Variants in ZFAT observed in about 807,000 individuals in gnomAD.
The protein encoded by ZFAT is zinc finger protein ZFAT.
A neutral mutation model predicts 117.7 loss-of-function variants in ZFAT; 64 were observed. The ratio of observed to expected loss-of-function variants is 0.54; its 90% CI spans 0.44 to 0.67. The LOEUF (loss-of-function observed/expected upper bound fraction) is 0.67. ZFAT is among the 30% of genes least tolerant of loss of function. ZFAT has a pLI of 0.00. For synonymous variants in ZFAT, 679 were observed against 615.0 expected, an observed-to-expected ratio of 1.10 and a Z score of -1.54; for missense variants, 1,433 against 1,584.5, an observed-to-expected ratio of 0.90 and a Z score of 1.62.
chr8:134,526,870 A>G (rs992632466), intron 12 of ZFAT, among the ~76,000 whole-genome samples: 2 of 151,886 alleles, frequency 1.3e-5, no homozygotes, highest in Admixed American at 1.3e-4. Flanking sequence ...GAGATGAGCC[A>G]CTGCAATAAA....
the ZFAT span, among the ~76,000 whole-genome samples, chr8:134,812,144 C>CAATAA: frequency 3.3e-5 from 5 of 151,776 alleles, no homozygotes; most frequent in South Asian, 4.2e-4. Flanking sequence ...GACTCTGTAT[C>CAATAA]AATAAAATAA....
intron 11 of ZFAT, among the ~76,000 whole-genome samples, chr8:134,535,496 C>CCCCTCCCCCTCCCTCT (rs1821766307): frequency 7.6e-6 from 1 of 131,478 alleles, no homozygotes; most frequent in African/African-American, 2.8e-5. Context: ...CCTCCCCCTC[C>CCCCTCCCCCTCCCTCT]CCCTCCCTCT....
At chr8:134,630,262 A>C (rs570294897) in intron 3 of ZFAT, among the ~76,000 whole-genome samples, 1 of 152,338 alleles carries the variant, frequency 6.6e-6, no homozygotes, top group South Asian at 2.1e-4. Flanking sequence ...AGTACAGAGG[A>C]AAAAATGAGG....
chr8:134,617,803 A>G (rs1828850507), intron 3 of ZFAT, among the ~76,000 whole-genome samples: 1 of 152,170 alleles, frequency 6.6e-6, no homozygotes, highest in Non-Finnish European at 1.5e-5. Context: ...TTGATTCACT[A>G]AATTGCAGAT....
the ZFAT span, among the ~76,000 whole-genome samples, chr8:134,823,866 G>A: frequency 1.3e-5 from 2 of 152,178 alleles, no homozygotes; most frequent in African/African-American, 4.8e-5. Flanking sequence ...CATGATAAGT[G>A]CAAATGGGTG....
chr8:134,653,623 T>C (rs181102162), intron 2 of ZFAT, among the ~76,000 whole-genome samples: 135 of 152,024 alleles, frequency 8.9e-4, no homozygotes, highest in Admixed American at 1.8e-3. Flanking sequence ...CTACATGGGG[T>C]GATAGATAAA....
chr8:134,512,372 G>A lies in ZFAT; in HGVS notation c.3361+103C>T, dbSNP rs948476916. The A allele has an allele frequency of 1.1e-5, 17 of 1,500,504 alleles. No individual in the cohort carries two copies. The African/African-American group carries it at 2.1e-4, about 18-fold the overall frequency. The allele number at this position is 1,500,504 out of a possible 1,614,324, so 92.9% of individuals were successfully genotyped here. On this transcript the variant is annotated intron_variant, in intron 14 of 15. Transcript: ENST00000377838. ...GTCTGAACGCTGGGTCAGGGATTCGGAAGTAGATCACCTGATGGACATCAT... is the reference window on the plus strand; with the variant it reads ...GTCTGAACGCTGGGTCAGGGATTCGAAAGTAGATCACCTGATGGACATCAT...
At chr8:134,585,279 C>A (rs1243918902) in intron 9 of ZFAT, among the ~76,000 whole-genome samples, 2 of 152,138 alleles carry the variant, frequency 1.3e-5, no homozygotes, top group African/African-American at 4.8e-5. Flanking sequence ...GGCATTTCAA[C>A]CCCGAGTCAA....
At chr8:134,511,149 G>A (rs1038614468) in intron 14 of ZFAT, 1 of 152,298 alleles carries the variant, frequency 6.6e-6, no homozygotes, top group Non-Finnish European at 1.5e-5. Flanking sequence ...CAGAGAAGCT[G>A]AGCCTGGCCT....
At chr8:134,661,519 T>C (rs550422968) in intron 1 of ZFAT, among the ~76,000 whole-genome samples, 26 of 152,240 alleles carry the variant, frequency 1.7e-4, no homozygotes, top group African/African-American at 4.6e-4. Flanking sequence ...TGTGAGGTCA[T>C]TGGAAACAGC....
chr8:134,779,846 C>T, the ZFAT span, among the ~76,000 whole-genome samples: 6 of 152,098 alleles, frequency 3.9e-5, no homozygotes, highest in Non-Finnish European at 8.8e-5. Context: ...TTATATTGAT[C>T]GTTTTATACC....
At chr8:134,672,576 A>G (rs1832612923) in intron 1 of ZFAT, among the ~76,000 whole-genome samples, 1 of 152,228 alleles carries the variant, frequency 6.6e-6, no homozygotes, top group Non-Finnish European at 1.5e-5. Context: ...AAAGAAATCC[A>G]TGCCAAGACA....
chr8:134,635,648 GGA>G (rs111233731), intron 3 of ZFAT, among the ~76,000 whole-genome samples: 1 of 149,584 alleles, frequency 6.7e-6, no homozygotes, highest in Non-Finnish European at 1.5e-5. Flanking sequence ...AGGGAGAGAG[GGA>G]GAGAGAGAGA....
At chr8:134,655,758 T>C (rs1478806000) in intron 2 of ZFAT, among the ~76,000 whole-genome samples, 1 of 152,242 alleles carries the variant, frequency 6.6e-6, no homozygotes, top group East Asian at 1.9e-4. Flanking sequence ...AGAGCCAGTC[T>C]AGAAGTTCTT....
chr8:134,668,950 C>A (rs1316489287), intron 1 of ZFAT, among the ~76,000 whole-genome samples: 1 of 152,026 alleles, frequency 6.6e-6, no homozygotes, highest in Non-Finnish European at 1.5e-5. Flanking sequence ...AACTACATGA[C>A]AAATGCACAA....
At chr8:134,814,176 C>T in the ZFAT span, among the ~76,000 whole-genome samples, 2 of 152,026 alleles carry the variant, frequency 1.3e-5, no homozygotes, top group Non-Finnish European at 2.9e-5. Flanking sequence ...TTTTTGGTAC[C>T]TTGTTTTAAG....
chr8:134,595,817 T>A (rs913657759), intron 7 of ZFAT, among the ~76,000 whole-genome samples: 1 of 152,194 alleles, frequency 6.6e-6, no homozygotes, highest in African/African-American at 2.4e-5. Context: ...AATAAATGGC[T>A]CTAAGAGTCA....
chr8:134,704,705 T>C (rs1359931152), intron 1 of ZFAT, among the ~76,000 whole-genome samples: 1 of 152,080 alleles, frequency 6.6e-6, no homozygotes, highest in Non-Finnish European at 1.5e-5. Context: ...AGGAGTGAAC[T>C]GATGCATAAT....
the ZFAT span, among the ~76,000 whole-genome samples, chr8:134,734,054 C>T: frequency 6.6e-6 from 1 of 152,224 alleles, no homozygotes; most frequent in East Asian, 1.9e-4. Context: ...AGTGTGGTTA[C>T]CCTCCTGCTT....
Sources: allele counts gnomAD v4.1 joint callset (sites outside exome capture counted in the v4.1 genomes callset), GRCh38; gene constraint gnomAD v4.1.1; transcripts MANE v1.5; gene names NCBI Gene and HGNC (gene_info 2026-07-23, HGNC 2026-07-21).